The following PRKG1 variants were observed in gnomAD, a reference collection of about 807,000 sequenced individuals.
PRKG1 encodes the protein cGMP-dependent protein kinase 1.
Under a neutral mutation model 88.1 loss-of-function variants are expected in PRKG1, and 35 were observed. The observed-to-expected ratio is 0.40, with a 90% CI of 0.30 to 0.53. The LOEUF (loss-of-function observed/expected upper bound fraction) is 0.53, where lower values mean the gene tolerates loss of function less well. Ranked by LOEUF, PRKG1 falls within the 20% of genes least tolerant of loss-of-function variation. PRKG1 has a pLI of 0.59. For missense variants in PRKG1, 540 were observed against 839.8 expected (o/e 0.64, Z 4.41); for synonymous variants, 303 against 292.5 (o/e 1.04, Z -0.37).
At position 51,946,359 on chromosome 10, in the gene PRKG1, G is replaced by A. The variant is rs151249498; in HGVS notation, c.762+38789G>A. Among the ~76,000 whole-genome samples the A allele has an allele frequency of 2.6e-3, 402 of 152,006 alleles. 4 individuals are homozygous for A. The highest frequency in any genetic ancestry group is 8.8e-3 in the African/African-American group (363 of 41,376). The stretch of plus-strand genomic sequence containing the variant: ...TGTTGTTTATTCTAGTTATACATTC[G>A]TCTAAATTTTTTCCAAAGTTTTCAG... On this transcript the variant is annotated intron_variant, in intron 5 of 17. Transcript: ENST00000373980.
At chr10:50,997,206 G>C (rs1279317338) in intron 1 of PRKG1, among the ~76,000 whole-genome samples, 1 of 152,150 alleles carries the variant, frequency 6.6e-6, no homozygotes, top group East Asian at 1.9e-4. Flanking sequence ...ACCAGAGTTG[G>C]TGAATTGAGG....
intron 5 of PRKG1, among the ~76,000 whole-genome samples, chr10:51,925,631 C>T (rs1191689556): frequency 3.3e-5 from 5 of 152,002 alleles, no homozygotes; most frequent in Admixed American, 6.6e-5. Context: ...ACACAGAGCT[C>T]GGAATTTACT....
chr10:51,982,543 GC>G lies in PRKG1; in HGVS notation c.763-71939del, dbSNP rs1201031252. Among the ~76,000 whole-genome samples, 5 of 152,278 alleles carry G rather than the reference GC, an allele frequency of 3.3e-5. No homozygotes were observed. In the East Asian group the frequency reaches 9.7e-4, roughly 29 times the overall value. ...TTGATGGTGCTATAAGGTGGGTTCA[GC>G]CAACTGGCTTTATTTCTGGAGTATT... On this transcript the variant is annotated intron_variant, in intron 5 of 17. Transcript: ENST00000373980.
intron 3 of PRKG1, among the ~76,000 whole-genome samples, chr10:51,540,844 G>A (rs555611940): frequency 2.0e-5 from 3 of 152,134 alleles, no homozygotes; most frequent in Non-Finnish European, 4.4e-5. Flanking sequence ...ACAGCCTCCT[G>A]AGTAGCTGGG....
At chr10:51,527,299 ATAT>A (rs1257922831) in intron 3 of PRKG1, among the ~76,000 whole-genome samples, 1 of 152,076 alleles carries the variant, frequency 6.6e-6, no homozygotes, top group African/African-American at 2.4e-5. Flanking sequence ...AATAACATAG[ATAT>A]TATGCAGCCA....
chr10:51,434,742 T>C (rs1257418816), intron 2 of PRKG1, among the ~76,000 whole-genome samples: 2 of 152,152 alleles, frequency 1.3e-5, no homozygotes, highest in Non-Finnish European at 2.9e-5. Flanking sequence ...TTTCCATGTA[T>C]GTGAAGTGGA....
chr10:52,256,353 T>C lies in PRKG1; in HGVS notation c.1173+4687T>C. Among the ~76,000 whole-genome samples the C allele has an allele frequency of 1.4e-5, 2 of 138,884 alleles. 1 individual carries two copies. The highest frequency in any genetic ancestry group is 3.2e-5 in the Non-Finnish European group (2 of 61,542). 91.1% of individuals were successfully genotyped at this position (138,884 alleles called of 152,430 possible). A position where few individuals can be genotyped will look rare whatever the true frequency, so the allele number is the denominator to read the frequency against. On this transcript the variant is annotated intron_variant, in intron 10 of 17. Coordinates refer to ENST00000373980, the MANE Select transcript of PRKG1 (RefSeq NM_006258.4). Reference sequence around the variant, plus strand: ...TTCTGCTCCTAGTTTAATGGCAAAATACCTGCAGAGAAAAAAAATCCGACA... The same window carrying C: ...TTCTGCTCCTAGTTTAATGGCAAAACACCTGCAGAGAAAAAAAATCCGACA...
At chr10:51,008,129 A>G (rs1275899280) in intron 1 of PRKG1, among the ~76,000 whole-genome samples, 1 of 152,210 alleles carries the variant, frequency 6.6e-6, no homozygotes, top group Non-Finnish European at 1.5e-5. Context: ...GATCATTCAT[A>G]TGCCCAGTTC....
At chr10:51,401,644 A>G (rs747002338) in intron 2 of PRKG1, among the ~76,000 whole-genome samples, 1 of 152,044 alleles carries the variant, frequency 6.6e-6, no homozygotes, top group Non-Finnish European at 1.5e-5. Context: ...CTTACTTTTC[A>G]TCTTATCCTT....
intron 1 of PRKG1, among the ~76,000 whole-genome samples, chr10:51,061,607 G>C (rs1396163365): frequency 6.6e-6 from 1 of 152,088 alleles, no homozygotes; most frequent in Non-Finnish European, 1.5e-5. Flanking sequence ...CAATTATATA[G>C]AGGTTAGAAC....
chr10:51,864,881 T>C (rs1043788752), intron 4 of PRKG1, among the ~76,000 whole-genome samples: 1 of 152,204 alleles, frequency 6.6e-6, no homozygotes, highest in Non-Finnish European at 1.5e-5. Context: ...TAAATATTTA[T>C]TTATCAACAG....
intron 2 of PRKG1, among the ~76,000 whole-genome samples, chr10:51,351,484 G>A (rs1032715279): frequency 2.0e-5 from 3 of 151,972 alleles, no homozygotes; most frequent in Middle Eastern, 3.4e-3. Flanking sequence ...TTGTGGTTTT[G>A]ATTTGCATTT....
At chr10:51,229,548 CTTT>C (rs1564647014) in intron 2 of PRKG1, among the ~76,000 whole-genome samples, 1 of 152,128 alleles carries the variant, frequency 6.6e-6, no homozygotes, top group Non-Finnish European at 1.5e-5. Flanking sequence ...TGCTTATGAG[CTTT>C]TGTGACCACT....
At chr10:51,799,286 C>T (rs16923332) in intron 3 of PRKG1, among the ~76,000 whole-genome samples, 3,621 of 152,048 alleles carry the variant, frequency 0.024, 147 homozygotes, top group African/African-American at 0.081. Context: ...GTTATAATTC[C>T]GCATCAAGGC....
At chr10:51,648,988 A>G (rs1839978413) in intron 3 of PRKG1, among the ~76,000 whole-genome samples, 1 of 152,132 alleles carries the variant, frequency 6.6e-6, no homozygotes, top group Non-Finnish European at 1.5e-5. Flanking sequence ...CGGAACACGT[A>G]AGTCCAGGGG....
intron 2 of PRKG1, among the ~76,000 whole-genome samples, chr10:51,216,381 T>A (rs1838372009): frequency 6.6e-6 from 1 of 152,242 alleles, no homozygotes; most frequent in African/African-American, 2.4e-5. Context: ...ACAGAGATTC[T>A]GTTATAATGT....
At chr10:51,089,464 A>G (rs906541972) in intron 1 of PRKG1, among the ~76,000 whole-genome samples, 3 of 152,196 alleles carry the variant, frequency 2.0e-5, no homozygotes, top group African/African-American at 7.2e-5. Context: ...CACATAAGGA[A>G]ATACTTTTTA....
chr10:52,140,304 G>C (rs773591227), intron 8 of PRKG1, among the ~76,000 whole-genome samples: 1 of 152,254 alleles, frequency 6.6e-6, no homozygotes, highest in Admixed American at 6.5e-5. Context: ...CTGATTTGAA[G>C]CGTCTGATCA....
chr10:52,244,173 TG>T (rs1190447213), intron 9 of PRKG1, among the ~76,000 whole-genome samples: 1 of 152,126 alleles, frequency 6.6e-6, no homozygotes, highest in Non-Finnish European at 1.5e-5. Flanking sequence ...TGGCCCTTTT[TG>T]CTTAGAATTT....
Sources: gnomAD v4.1 joint callset for allele counts (sites outside exome capture counted in the v4.1 genomes callset) on GRCh38, gnomAD v4.1.1 for gene constraint, MANE v1.5 for transcripts, NCBI Gene and HGNC (gene_info 2026-07-23, HGNC 2026-07-21) for gene names.